Variants in ZFAT observed in about 807,000 individuals in gnomAD.
ZFAT encodes zinc finger protein ZFAT.
ZFAT carries 64 observed loss-of-function variants against 117.7 expected under a neutral mutation model. The ratio of observed to expected loss-of-function variants is 0.54; its 90% CI spans 0.44 to 0.67. ZFAT has a LOEUF of 0.67. ZFAT is among the 30% of genes least tolerant of loss of function. The pLI, the probability that ZFAT is intolerant of heterozygous loss-of-function variation, is 0.00. For synonymous variants in ZFAT, 679 were observed against 615.0 expected, an observed-to-expected ratio of 1.10 and a Z score of -1.54; for missense variants, 1,433 against 1,584.5, an observed-to-expected ratio of 0.90 and a Z score of 1.62.
intron 12 of ZFAT, among the ~76,000 whole-genome samples, chr8:134,528,517 C>A (rs1453149734): frequency 6.6e-6 from 1 of 152,214 alleles, no homozygotes; most frequent in Admixed American, 6.5e-5. Context: ...AAAACTAATA[C>A]ACAAATATAC....
intron 7 of ZFAT, among the ~76,000 whole-genome samples, chr8:134,592,307 A>G (rs1302614842): frequency 6.6e-6 from 1 of 152,232 alleles, no homozygotes; most frequent in Non-Finnish European, 1.5e-5. Flanking sequence ...CTGGATGCAA[A>G]GTGCTTTACA....
intron 13 of ZFAT, among the ~76,000 whole-genome samples, chr8:134,518,072 T>C (rs1353860406): frequency 6.6e-6 from 1 of 152,204 alleles, no homozygotes; most frequent in African/African-American, 2.4e-5. Flanking sequence ...CCTTAAACTT[T>C]TGCCTACTAA....
chr8:134,820,922 A>G, the ZFAT span, among the ~76,000 whole-genome samples: 12 of 152,334 alleles, frequency 7.9e-5, no homozygotes, highest in African/African-American at 2.9e-4. Flanking sequence ...CCAGCACCAC[A>G]TGGTGCCTAC....
At chr8:134,600,922 C>T (rs1047148896) in intron 6 of ZFAT, among the ~76,000 whole-genome samples, 3 of 152,084 alleles carry the variant, frequency 2.0e-5, no homozygotes, top group Non-Finnish European at 2.9e-5. Context: ...TACTGAGAAC[C>T]AGTTATGGCT....
intron 1 of ZFAT, among the ~76,000 whole-genome samples, chr8:134,662,495 G>A (rs1158027349): frequency 6.6e-6 from 1 of 152,184 alleles, no homozygotes; most frequent in Non-Finnish European, 1.5e-5. Flanking sequence ...CAAAAAGTGA[G>A]ATTTCCCTAA....
At chr8:134,641,292 C>T (rs6995599) in intron 2 of ZFAT, among the ~76,000 whole-genome samples, 44,950 of 152,028 alleles carry the variant, frequency 0.3, 7,185 homozygotes, top group South Asian at 0.53. Flanking sequence ...CTTCCTCCCC[C>T]TTAACTGCTC....
At chr8:134,745,260 G>T in the ZFAT span, among the ~76,000 whole-genome samples, 1 of 152,210 alleles carries the variant, frequency 6.6e-6, no homozygotes, top group Non-Finnish European at 1.5e-5. Context: ...GTCTACCACG[G>T]TTCCCTGGTC....
upstream of ZFAT, among the ~76,000 whole-genome samples, chr8:134,714,378 C>A (rs1239493510): frequency 6.6e-6 from 1 of 152,188 alleles, no homozygotes; most frequent in African/African-American, 2.4e-5. Context: ...ACTGAGCTTC[C>A]TGAGCAGCCC....
intron 3 of ZFAT, among the ~76,000 whole-genome samples, chr8:134,631,036 T>C: frequency 6.6e-6 from 1 of 152,258 alleles, no homozygotes; most frequent in East Asian, 1.9e-4. Context: ...AGGTCATTTC[T>C]GCATATTTTA....
the ZFAT span, among the ~76,000 whole-genome samples, chr8:134,769,775 C>A: frequency 6.6e-6 from 1 of 152,236 alleles, no homozygotes; most frequent in Admixed American, 6.5e-5. Flanking sequence ...TCTGCCTAGG[C>A]ATCCAGGCAT....
the ZFAT span, among the ~76,000 whole-genome samples, chr8:134,831,816 G>T: frequency 6.6e-6 from 1 of 151,844 alleles, no homozygotes; most frequent in African/African-American, 2.4e-5. Context: ...CGACCCTGAG[G>T]GACGGGGGCG....
rs1827489573 is a variant in ZFAT, at chr8:134,601,812, G to A, written c.1907C>T (p.Ser636Phe). ...TQGEVITLLL[S>F]KAQSAGSDQE... Reference sequence around the variant, plus strand: ...ATCTGACCCAGCACTCTGGGCCTTGGACAGCAGTAGTGTGATCACTTCACC... The same window carrying A: ...ATCTGACCCAGCACTCTGGGCCTTGAACAGCAGTAGTGTGATCACTTCACC... The change falls in exon 6 of 16, where the codon TCC (serine) becomes TTC (phenylalanine). Residue 636 changes from serine (S) to phenylalanine (F), a missense_variant. By Grantham distance (155) the Ser-to-Phe change is radical. Coordinates refer to ENST00000377838, the MANE Select transcript of ZFAT (RefSeq NM_020863.4). 7 of 1,613,786 alleles carry A rather than the reference G, an allele frequency of 4.3e-6. No homozygotes were observed. Among genetic ancestry groups the A allele is most frequent in the Non-Finnish European group, 5.1e-6 (6 of 1,179,902 alleles).
chr8:134,503,194 G>A (rs985247119), intron 15 of ZFAT, among the ~76,000 whole-genome samples: 5 of 152,230 alleles, frequency 3.3e-5, no homozygotes, highest in Admixed American at 6.5e-5. Context: ...GGTGCTCCAT[G>A]GAGGACTCCT....
chr8:134,645,496 C>CAA (rs1040674431), intron 2 of ZFAT, among the ~76,000 whole-genome samples: 5 of 151,646 alleles, frequency 3.3e-5, no homozygotes, highest in African/African-American at 9.7e-5. Context: ...CACACACACA[C>CAA]AAAAAAGAAA....
chr8:134,751,971 T>TTTG, the ZFAT span, among the ~76,000 whole-genome samples: 5 of 152,186 alleles, frequency 3.3e-5, no homozygotes, highest in African/African-American at 4.8e-5. Context: ...TTAGTACATG[T>TTTG]TTGTTGAATT....
chr8:134,758,968 T>TGATCCAC, the ZFAT span, among the ~76,000 whole-genome samples: 1 of 152,208 alleles, frequency 6.6e-6, no homozygotes, highest in Admixed American at 6.5e-5. Context: ...CCAGGATCCA[T>TGATCCAC]GATCCACAGC....
chr8:134,680,986 A>C (rs971862308), intron 1 of ZFAT, among the ~76,000 whole-genome samples: 3 of 152,242 alleles, frequency 2.0e-5, no homozygotes, highest in Non-Finnish European at 2.9e-5. Flanking sequence ...TGGCAAACAA[A>C]AAGACTCTGG....
chr8:134,816,988 A>AG, the ZFAT span, among the ~76,000 whole-genome samples: 1 of 152,032 alleles, frequency 6.6e-6, no homozygotes, highest in African/African-American at 2.4e-5. Flanking sequence ...CTCAAAAAAA[A>AG]AAAAAAAAAG....
intron 15 of ZFAT, among the ~76,000 whole-genome samples, chr8:134,483,432 T>C (rs1817455278): frequency 6.6e-6 from 1 of 152,218 alleles, no homozygotes; most frequent in African/African-American, 2.4e-5. Context: ...TATGGGTTGA[T>C]ATGATTAAAT....
Sources: gnomAD v4.1 joint callset for allele counts (sites outside exome capture counted in the v4.1 genomes callset) on GRCh38, gnomAD v4.1.1 for gene constraint, MANE v1.5 for transcripts, NCBI Gene and HGNC (gene_info 2026-07-23, HGNC 2026-07-21) for gene names.